The following RNF6 variants were observed in gnomAD, a reference collection of about 807,000 sequenced individuals.
The protein encoded by RNF6 is E3 ubiquitin-protein ligase RNF6.
In RNF6, 21 loss-of-function variants were observed where a neutral mutation model predicts 50.1. The observed-to-expected ratio is 0.42, with a 90% CI of 0.30 to 0.60. The LOEUF is 0.60. RNF6 is among the 20% of genes least tolerant of loss of function. The pLI, the probability that RNF6 is intolerant of heterozygous loss-of-function variation, is 0.20. For synonymous variants in RNF6, 255 were observed against 291.8 expected, an observed-to-expected ratio of 0.87 and a Z score of 1.29; for missense variants, 698 against 838.2, an observed-to-expected ratio of 0.83 and a Z score of 2.07.
At chr13:26,196,883 T>C (rs9551249) in intron 5 of RNF6, among the ~76,000 whole-genome samples, 45,093 of 151,774 alleles carry the variant, frequency 0.3, 7,155 homozygotes, top group Middle Eastern at 0.36. Flanking sequence ...AAAACTAGCA[T>C]TATAAGGTGA....
At chr13:26,160,384 C>G (rs2137607112) in intron 5 of RNF6, among the ~76,000 whole-genome samples, 1 of 152,068 alleles carries the variant, frequency 6.6e-6, no homozygotes, top group African/African-American at 2.4e-5. Flanking sequence ...CTATTTTCTT[C>G]TACTACCTAT....
intron 5 of RNF6, among the ~76,000 whole-genome samples, chr13:26,205,408 T>A (rs1033430506): frequency 6.6e-6 from 1 of 152,220 alleles, no homozygotes; most frequent in African/African-American, 2.4e-5. Flanking sequence ...ACTGAAGTTG[T>A]AATCCTCACC....
At chr13:26,202,761 A>T (rs1868944430) in intron 5 of RNF6, among the ~76,000 whole-genome samples, 1 of 152,242 alleles carries the variant, frequency 6.6e-6, no homozygotes. Context: ...AGAAAGGAAA[A>T]ACAAACACCC....
intron 5 of RNF6, among the ~76,000 whole-genome samples, chr13:26,202,162 C>A (rs1355825945): frequency 3.9e-5 from 6 of 152,152 alleles, no homozygotes; most frequent in African/African-American, 1.4e-4. Flanking sequence ...ATGACTTGGG[C>A]AAATGATCCA....
At chr13:26,218,728 C>A in intron 3 of RNF6, 122 bp from the exon 4 acceptor site, 1 of 672,992 alleles carries the variant, frequency 1.5e-6, no homozygotes. Flanking sequence ...TTCATATGTT[C>A]TGTAAATTGA....
chr13:26,154,663 A>T (rs1871809679), intron 5 of RNF6, among the ~76,000 whole-genome samples: 1 of 152,230 alleles, frequency 6.6e-6, no homozygotes, highest in Non-Finnish European at 1.5e-5. Context: ...AAACATGATA[A>T]GTTAGGTGTA....
intron 4 of RNF6, among the ~76,000 whole-genome samples, chr13:26,217,846 A>G (rs1870056197): frequency 6.6e-6 from 1 of 152,220 alleles, no homozygotes; most frequent in South Asian, 2.1e-4. Flanking sequence ...GTGGGTTCCA[A>G]GAGGATTTCC....
At chr13:26,147,274 C>T (rs1479415440) in intron 5 of RNF6, among the ~76,000 whole-genome samples, 3 of 152,138 alleles carry the variant, frequency 2.0e-5, no homozygotes, top group Admixed American at 6.5e-5. Context: ...TTTAGGGTCC[C>T]GATGGGACTT....
At chr13:26,150,083 CAG>C (rs150733604) in intron 5 of RNF6, among the ~76,000 whole-genome samples, 22 of 143,426 alleles carry the variant, frequency 1.5e-4, no homozygotes, top group African/African-American at 3.7e-4. Context: ...TACACACACA[CAG>C]AGAGAGAGAG....
intron 5 of RNF6, among the ~76,000 whole-genome samples, chr13:26,205,517 G>T (rs563161967): frequency 6.6e-6 from 1 of 152,260 alleles, no homozygotes; most frequent in Admixed American, 6.5e-5. Flanking sequence ...TGTGGTAATT[G>T]TTCCTCTCTC....
At chr13:26,183,183 A>AT (rs1404609426) in intron 5 of RNF6, among the ~76,000 whole-genome samples, 1 of 152,234 alleles carries the variant, frequency 6.6e-6, no homozygotes, top group Non-Finnish European at 1.5e-5. Flanking sequence ...CTCTAAAAGT[A>AT]TTTGAGGCTT....
intron 5 of RNF6, among the ~76,000 whole-genome samples, chr13:26,191,636 C>T (rs1478913112): frequency 1.3e-5 from 2 of 152,196 alleles, no homozygotes; most frequent in Non-Finnish European, 2.9e-5. Context: ...CTCCCGCTGC[C>T]TTGTGAAGAA....
At position 26,202,034 on chromosome 13, in the gene RNF6, C is replaced by G. The variant is rs147689099; in HGVS notation, n.768+13440G>C. ...AGAAAGAGCGGTTTGTGCCACTAGG[C>G]CCTTATTCTGAGAGCGGAGCCCTAT... On this transcript the variant is annotated intron_variant and non_coding_transcript_variant, in intron 5 of 5. Transcript: ENST00000468480. 2.1e-3 allele frequency among the ~76,000 whole-genome samples: 324 copies of G among 152,282 alleles called. 1 individual carries two copies. Among genetic ancestry groups the G allele is most frequent in the African/African-American group, 7.6e-3 (316 of 41,560 alleles).
chr13:26,141,539 A>G (rs1870952504), intron 5 of RNF6, among the ~76,000 whole-genome samples: 1 of 152,154 alleles, frequency 6.6e-6, no homozygotes, highest in Non-Finnish European at 1.5e-5. Flanking sequence ...AGACACATAG[A>G]CCAATGGAAC....
chr13:26,184,111 C>T (rs1412972450), intron 5 of RNF6, among the ~76,000 whole-genome samples: 2 of 145,566 alleles, frequency 1.4e-5, no homozygotes, highest in East Asian at 4.1e-4. Context: ...ACTGCAAGCT[C>T]CGTCTCCTTA....
chr13:26,172,038 A>T, intron 5 of RNF6, among the ~76,000 whole-genome samples: 1 of 152,232 alleles, frequency 6.6e-6, no homozygotes, highest in East Asian at 1.9e-4. Context: ...TAAATAGTAT[A>T]TTTTAAAATG....
intron 5 of RNF6, among the ~76,000 whole-genome samples, chr13:26,180,872 C>T (rs1304253713): frequency 6.6e-6 from 1 of 152,246 alleles, no homozygotes; most frequent in East Asian, 1.9e-4. Context: ...GTCCAGGGCC[C>T]ACTGGGTATT....
chr13:26,137,208 G>A (rs1465713920), intron 5 of RNF6, among the ~76,000 whole-genome samples: 1 of 152,102 alleles, frequency 6.6e-6, no homozygotes, highest in Non-Finnish European at 1.5e-5. Flanking sequence ...GCAGGAGGGT[G>A]AAATTTGTTG....
At position 26,215,421 on chromosome 13, in the gene RNF6, T is replaced by C. The variant is rs373564081; in HGVS notation, c.461A>G (p.His154Arg). 72 of 1,614,104 alleles carry C rather than the reference T, an allele frequency of 4.5e-5. No individual in the cohort carries two copies. The highest frequency in any genetic ancestry group is 2.8e-4 in the Admixed American group (17 of 60,012). The change falls in exon 5 of 5, where the codon CAC (histidine) becomes CGC (arginine). Residue 154 changes from histidine (H) to arginine (R), a missense_variant. His to Arg is a conservative substitution (Grantham distance 29). Transcript: ENST00000381588. ...AAATCCTCTATTTTCATGATTTACGTGGATTTCCAAACTAAACCGAAACTC... is the reference window on the plus strand; with the variant it reads ...AAATCCTCTATTTTCATGATTTACGCGGATTTCCAAACTAAACCGAAACTC... ...NGEFRFSLEI[H>R]VNHENRGFEI...
Sources: gnomAD v4.1 joint callset for allele counts (sites outside exome capture counted in the v4.1 genomes callset) on GRCh38, gnomAD v4.1.1 for gene constraint, MANE v1.5 for transcripts, NCBI Gene and HGNC (gene_info 2026-07-23, HGNC 2026-07-21) for gene names.